The following POLG2 variants were observed in gnomAD, a reference collection of about 807,000 sequenced individuals.
The protein encoded by POLG2 is DNA polymerase gamma 2, accessory subunit.
In POLG2, 50 loss-of-function variants were observed where a neutral mutation model predicts 56.5. That is an observed-to-expected ratio of 0.88 (90% CI 0.71 to 1.12). The LOEUF (loss-of-function observed/expected upper bound fraction) is 1.12, where lower values mean the gene tolerates loss of function less well. POLG2 is among the 50% of genes most tolerant of loss of function. The pLI is 0.00. For missense variants in POLG2, 584 were observed against 583.3 expected (o/e 1.00, Z -0.01); for synonymous variants, 226 against 222.6 (o/e 1.02, Z -0.14).
chr17:64,496,345 A>G, intron 1 of POLG2, 62 bp downstream of exon 1: 1 of 1,107,752 alleles, frequency 9.0e-7, no homozygotes, highest in South Asian at 1.5e-5. Context: ...CCCAAGATCC[A>G]GCAAGACTGC....
Position 64,491,460 on chromosome 17 carries a change from T to G in POLG2, c.796-491A>C. 4 of 995,436 alleles carry G rather than the reference T, an allele frequency of 4.0e-6. No individual in the cohort carries two copies. The South Asian group carries it at 5.4e-5, about 13-fold the overall frequency. The allele number at this position is 995,436 out of a possible 1,614,324, so 61.7% of individuals were successfully genotyped here. A position where few individuals can be genotyped will look rare whatever the true frequency, so the allele number is the denominator to read the frequency against. Reference sequence around the variant, plus strand: ...TAATAAAAGAAGTTGCAGTGAGCTGTGATTGTGCAACGGCAGTCCAGCCCG... The same window carrying G: ...TAATAAAAGAAGTTGCAGTGAGCTGGGATTGTGCAACGGCAGTCCAGCCCG... On this transcript the variant is annotated intron_variant, in intron 3 of 7. Transcript: ENST00000539111.
Position 64,480,299 on chromosome 17 carries a change from G to A in POLG2, c.1282C>T (p.Leu428Phe), listed in dbSNP as rs56299915. 239 of 1,522,862 alleles carry A rather than the reference G, an allele frequency of 1.6e-4. 1 individual carries two copies. In the East Asian group the frequency reaches 4.6e-3, roughly 30 times the overall value. The allele number at this position is 1,522,862 out of a possible 1,614,324, so 94.3% of individuals were successfully genotyped here. A position where few individuals can be genotyped will look rare whatever the true frequency, so the allele number is the denominator to read the frequency against. ...AAATACAATTCTTACTTCGAATAAA[G>A]TTGTTCCAATGAGGACTGCATAGTT... is the stretch of plus-strand genomic sequence containing the variant. ...LETMQSSLEQ[L>F]YSKYDEMSIL... is the part of the protein sequence containing the mutation. The change falls in exon 7 of 8, where the codon CTT (leucine) becomes TTT (phenylalanine). Residue 428 changes from leucine (L) to phenylalanine (F), a missense_variant. Coordinates refer to ENST00000539111, the MANE Select transcript of POLG2 (RefSeq NM_007215.4).
At chr17:64,484,194 G>C (rs1195677824) in intron 5 of POLG2, 1 of 152,312 alleles carries the variant, frequency 6.6e-6, no homozygotes, top group Non-Finnish European at 1.5e-5. Flanking sequence ...GATGGAACAT[G>C]CTGGCAAGAG....
chr17:64,481,297 A>G lies in POLG2; in HGVS notation c.1192-908T>C. The G allele has an allele frequency of 3.0e-6, 3 of 985,356 alleles. No homozygotes were observed. In the South Asian group the frequency reaches 1.4e-4, roughly 46 times the overall value. 61.0% of individuals were successfully genotyped at this position (985,356 alleles called of 1,614,324 possible). On this transcript the variant is annotated intron_variant, in intron 6 of 7. Coordinates refer to ENST00000539111, the MANE Select transcript of POLG2 (RefSeq NM_007215.4). ...CATTATCTTCTCCTTCTTTGAGCTC[A>G]CTATCTCCCATCTTCCCAGACCTCT...
intron 4 of POLG2, among the ~76,000 whole-genome samples, chr17:64,488,042 C>A (rs1555667817): frequency 6.6e-6 from 1 of 151,852 alleles, no homozygotes; most frequent in African/African-American, 2.4e-5. Context: ...TGGACATTAA[C>A]CATAAAATCA....
In POLG2 at chr17:64,497,022, GC is replaced by G; in HGVS notation, c.-55del. 1 of 1,513,082 alleles carries G rather than the reference GC, an allele frequency of 6.6e-7. No homozygotes were observed. The highest frequency in any genetic ancestry group is 9.1e-7 in the Non-Finnish European group (1 of 1,101,306). 93.7% of individuals were successfully genotyped at this position (1,513,082 alleles called of 1,614,324 possible). On this transcript the variant is annotated 5_prime_UTR_variant, in exon 1 of 8. Transcript: ENST00000539111. ...CCCATCACTCAACGGATCCCAACAA[GC>G]CACCACTACCGTTAACAGAATCCGG...
rs370463874 is a variant in POLG2, at chr17:64,491,926, G to GAA, written c.795+739_795+740dup. ...CAAATAAAAGATGACTGGTACTTGTGAAAAAAAAAAAACAAAAAAAAAACC... is the reference window on the plus strand; with the variant it reads ...CAAATAAAAGATGACTGGTACTTGTGAAAAAAAAAAAAAACAAAAAAAAAACC... On this transcript the variant is annotated intron_variant, in intron 3 of 7. Coordinates refer to ENST00000539111, the MANE Select transcript of POLG2 (RefSeq NM_007215.4). 373 of 82,034 alleles carry GAA rather than the reference G, an allele frequency of 4.5e-3. 2 individuals carry two copies. The highest frequency in any genetic ancestry group is 0.015 in the African/African-American group (326 of 21,198). The allele number at this position is 82,034 out of a possible 1,614,324, so 5.1% of individuals were successfully genotyped here.
At chr17:64,478,108 G>A in intron 7 of POLG2, 120 bp from the exon 8 acceptor site, 2 of 997,948 alleles carry the variant, frequency 2.0e-6, no homozygotes, top group Non-Finnish European at 3.0e-6. Flanking sequence ...AGGGCTTAAG[G>A]GTGGACCAAA....
Position 64,496,930 on chromosome 17 carries a change from G to C in POLG2, c.39C>G (p.Val13=), listed in dbSNP as rs969072131. ...SRVAVRACHK[V]CRCLLSGFGG... is the part of the protein sequence containing the mutation. ...CAAACCCAGACAACAGGCACCTGCA[G>C]ACCTTATGGCAGGCCCTGACGGCTA... The change falls in exon 1 of 8, where the codon GTC becomes GTG. Residue 13 remains valine (V), a synonymous_variant. Transcript: ENST00000539111. 5.0e-6 allele frequency: 8 copies of C among 1,611,180 alleles called. No individual in the cohort carries two copies. Among genetic ancestry groups the C allele is most frequent in the Non-Finnish European group, 6.8e-6 (8 of 1,180,012 alleles).
intron 3 of POLG2, among the ~76,000 whole-genome samples, chr17:64,492,127 G>C (rs1365474817): frequency 6.6e-6 from 1 of 152,170 alleles, no homozygotes; most frequent in Non-Finnish European, 1.5e-5. Context: ...AAAGAAGAAA[G>C]TATCACATAG....
In POLG2 at chr17:64,491,860, T is replaced by C. The variant is rs993657206; in HGVS notation, c.795+807A>G. On this transcript the variant is annotated intron_variant, in intron 3 of 7. Coordinates refer to ENST00000539111, the MANE Select transcript of POLG2 (RefSeq NM_007215.4). ...CCCTCCATAAGCAACACAATCTCGA[T>C]TGTTGCTGAATCCTTTCATATCCTA... 3 of 345,312 alleles carry C rather than the reference T, an allele frequency of 8.7e-6. 1 individual carries two copies. The highest frequency in any genetic ancestry group is 1.1e-5 in the Non-Finnish European group (2 of 186,344). The allele number at this position is 345,312 out of a possible 1,614,324, so 21.4% of individuals were successfully genotyped here. A position where few individuals can be genotyped will look rare whatever the true frequency, so the allele number is the denominator to read the frequency against.
At chr17:64,482,412 C>T (rs2037877375) in intron 6 of POLG2, among the ~76,000 whole-genome samples, 1 of 151,500 alleles carries the variant, frequency 6.6e-6, no homozygotes, top group Admixed American at 6.6e-5. Context: ...ACCTCTGCCT[C>T]CTAGGTTCAA....
At chr17:64,495,205 C>T (rs1312826682) in intron 1 of POLG2, among the ~76,000 whole-genome samples, 3 of 148,742 alleles carry the variant, frequency 2.0e-5, no homozygotes, top group Non-Finnish European at 4.4e-5. Context: ...GAACCAGGAT[C>T]TGGGCACTAG....
chr17:64,496,924 C>T lies in POLG2; in HGVS notation c.45G>A (p.Arg15=), dbSNP rs375118670. ...GACCCCCAAACCCAGACAACAGGCACCTGCAGACCTTATGGCAGGCCCTGA... is the reference window on the plus strand; with the variant it reads ...GACCCCCAAACCCAGACAACAGGCATCTGCAGACCTTATGGCAGGCCCTGA... ...VAVRACHKVC[R]CLLSGFGGRV... is the part of the protein sequence containing the mutation. Residue 15 remains arginine, a synonymous_variant, in exon 1 of 8, where the codon AGG becomes AGA. Coordinates refer to ENST00000539111, the MANE Select transcript of POLG2 (RefSeq NM_007215.4). The T allele has an allele frequency of 6.2e-7, 1 of 1,611,916 alleles. No individual in the cohort carries two copies. The highest frequency in any genetic ancestry group is 2.2e-5 in the East Asian group (1 of 44,888).
intron 1 of POLG2, among the ~76,000 whole-genome samples, chr17:64,494,921 C>T (rs2038124306): frequency 6.6e-6 from 1 of 152,178 alleles, no homozygotes; most frequent in Admixed American, 6.5e-5. Context: ...CGCCTGTAAT[C>T]CCAGCACTTT....
At chr17:64,486,045 T>C (rs1232432378) in intron 4 of POLG2, among the ~76,000 whole-genome samples, 177 bp from the exon 5 acceptor site, 1 of 151,966 alleles carries the variant, frequency 6.6e-6, no homozygotes, top group Non-Finnish European at 1.5e-5. Context: ...GCCTCCTGAG[T>C]ACATATTTTA....
chr17:64,495,859 C>G (rs2038142515), intron 1 of POLG2, among the ~76,000 whole-genome samples: 1 of 152,054 alleles, frequency 6.6e-6, no homozygotes, highest in African/African-American at 2.4e-5. Context: ...CAGGCGCTCG[C>G]CGTCACGGCC....
At chr17:64,491,739 T>C (rs6504234) in intron 3 of POLG2, 116,713 of 781,698 alleles carry the variant, frequency 0.15, 19,567 homozygotes, top group African/African-American at 0.71. Context: ...CTTCATCTAC[T>C]GCCTTTCCTA....
chr17:64,480,699 T>C (rs1325257385), intron 6 of POLG2, among the ~76,000 whole-genome samples: 1 of 152,026 alleles, frequency 6.6e-6, no homozygotes, highest in Non-Finnish European at 1.5e-5. Context: ...CAAAACAGAT[T>C]CTGTCAGAAA....
Sources: allele counts gnomAD v4.1 joint callset (sites outside exome capture counted in the v4.1 genomes callset), GRCh38; gene constraint gnomAD v4.1.1; transcripts MANE v1.5; gene names NCBI Gene and HGNC (gene_info 2026-07-23, HGNC 2026-07-21).